GRAMD1B: variants seen among roughly 807,000 people sequenced by gnomAD.
GRAMD1B encodes GRAM domain containing 1B, also known as protein Aster-B.
In GRAMD1B, 37 loss-of-function variants were observed where a neutral mutation model predicts 99.7. That is an observed-to-expected ratio of 0.37 (90% CI 0.29 to 0.49). The LOEUF (loss-of-function observed/expected upper bound fraction) is 0.49, where lower values mean the gene tolerates loss of function less well. GRAMD1B is among the 20% of genes least tolerant of loss of function. The probability of loss-of-function intolerance (pLI) is 0.98; values close to 1 mark genes in which losing one functional copy is unlikely to be tolerated. For missense variants in GRAMD1B, 888 were observed against 1,009.2 expected (o/e 0.88, Z 1.63); for synonymous variants, 427 against 387.6 (o/e 1.10, Z -1.19).
intron 1 of GRAMD1B, among the ~76,000 whole-genome samples, chr11:123,446,006 A>C (rs993952527): frequency 5.9e-5 from 9 of 152,054 alleles, no homozygotes; most frequent in Non-Finnish European, 1.3e-4. Context: ...TTTTGTGAAG[A>C]TGGAAGAATA....
intron 2 of GRAMD1B, among the ~76,000 whole-genome samples, chr11:123,490,088 G>T (rs948355182): frequency 5.3e-5 from 8 of 152,220 alleles, no homozygotes; most frequent in Non-Finnish European, 1.2e-4. Context: ...AGAGCACTAT[G>T]TACTGGGATT....
intron 2 of GRAMD1B, among the ~76,000 whole-genome samples, chr11:123,541,380 G>A (rs962613094): frequency 5.3e-4 from 80 of 152,060 alleles, no homozygotes; most frequent in Non-Finnish European, 9.9e-4. Context: ...CTTCCTCCCC[G>A]TGTCCTTCCT....
intron 1 of GRAMD1B, among the ~76,000 whole-genome samples, chr11:123,480,024 A>C (rs1031535634): frequency 1.3e-5 from 2 of 152,164 alleles, no homozygotes; most frequent in Non-Finnish European, 2.9e-5. Flanking sequence ...ATAATTAATA[A>C]AAATGATTTG....
At chr11:123,552,101 G>A (rs556672838) in intron 2 of GRAMD1B, among the ~76,000 whole-genome samples, 166 of 152,082 alleles carry the variant, frequency 1.1e-3, no homozygotes, top group African/African-American at 3.5e-3. Flanking sequence ...GGCCCTGTGC[G>A]TTCTCCTCTG....
intron 1 of GRAMD1B, among the ~76,000 whole-genome samples, chr11:123,374,406 T>A (rs1946627216): frequency 6.6e-6 from 1 of 152,184 alleles, no homozygotes; most frequent in Non-Finnish European, 1.5e-5. Context: ...GCAACCACAG[T>A]CCAGAGTTTC....
At position 123,430,356 on chromosome 11, in the gene GRAMD1B, C is replaced by T; in HGVS notation, c.-437C>T. 1.1e-5 allele frequency: 2 copies of T among 174,486 alleles called. No individual in the cohort carries two copies. Among genetic ancestry groups the T allele is most frequent in the Non-Finnish European group, 2.4e-5 (2 of 84,094 alleles). The allele number at this position is 174,486 out of a possible 1,614,324, so 10.8% of individuals were successfully genotyped here. On this transcript the variant is annotated 5_prime_UTR_variant, in exon 1 of 20. Coordinates refer to ENST00000635736, the MANE Select transcript of GRAMD1B (RefSeq NM_001387025.1). ...CCTCCCTGCAGCGCCAAGCCGGCTC[C>T]CCAACCTGGTCTGCTGAACGCAAAC...
chr11:123,581,925 C>A (rs1949396809), intron 3 of GRAMD1B, among the ~76,000 whole-genome samples: 1 of 152,236 alleles, frequency 6.6e-6, no homozygotes, highest in Non-Finnish European at 1.5e-5. Flanking sequence ...GAGCCCCGTG[C>A]AGGAGGAGTC....
intron 2 of GRAMD1B, among the ~76,000 whole-genome samples, chr11:123,533,672 C>G (rs1347757451): frequency 6.6e-6 from 1 of 152,190 alleles, no homozygotes; most frequent in Non-Finnish European, 1.5e-5. Context: ...AATAATCCAC[C>G]CGCCTGAGCC....
At chr11:123,380,164 G>A (rs990516535) in intron 1 of GRAMD1B, among the ~76,000 whole-genome samples, 5 of 152,078 alleles carry the variant, frequency 3.3e-5, no homozygotes, top group African/African-American at 7.2e-5. Flanking sequence ...TTTGAAACAC[G>A]AAACCTTCTA....
chr11:123,389,385 A>T (rs2135842451), intron 1 of GRAMD1B, among the ~76,000 whole-genome samples: 1 of 147,864 alleles, frequency 6.8e-6, no homozygotes, highest in South Asian at 2.1e-4. Flanking sequence ...GTCCATGTCA[A>T]AAAAAAAAAA....
intron 1 of GRAMD1B, among the ~76,000 whole-genome samples, chr11:123,408,214 C>A (rs1431607086): frequency 6.6e-6 from 1 of 152,204 alleles, no homozygotes; most frequent in Non-Finnish European, 1.5e-5. Context: ...GCTTTCTCAG[C>A]CACTCTCAGA....
intron 2 of GRAMD1B, among the ~76,000 whole-genome samples, chr11:123,517,786 C>T (rs754163811): frequency 2.0e-5 from 3 of 152,178 alleles, no homozygotes; most frequent in Admixed American, 6.5e-5. Flanking sequence ...AATGAGTTAA[C>T]GCTCAATTCA....
chr11:123,590,926 G>A (rs1173165460), intron 4 of GRAMD1B, among the ~76,000 whole-genome samples: 2 of 152,132 alleles, frequency 1.3e-5, no homozygotes, highest in Admixed American at 6.5e-5. Flanking sequence ...CCCTGGACCC[G>A]GCTGTGGATC....
Position 123,507,470 on chromosome 11 carries a change from T to C in GRAMD1B, c.452+26577T>C, listed in dbSNP as rs537721593. On this transcript the variant is annotated intron_variant, in intron 2 of 19. Coordinates refer to ENST00000635736, the MANE Select transcript of GRAMD1B (RefSeq NM_001387025.1). Reference sequence around the variant, plus strand: ...CCTTTTTTATTAGTGTGGGATGGAATAGGAATGGGAGAAGTGTTGAATTGT... The same window carrying C: ...CCTTTTTTATTAGTGTGGGATGGAACAGGAATGGGAGAAGTGTTGAATTGT... Among the ~76,000 whole-genome samples the C allele has an allele frequency of 1.0e-3, 154 of 152,308 alleles. 1 individual carries two copies. Among genetic ancestry groups the C allele is most frequent in the Non-Finnish European group, 1.8e-3 (122 of 68,020 alleles).
intron 2 of GRAMD1B, chr11:123,560,561 T>G: frequency 1.6e-5 from 13 of 794,276 alleles, no homozygotes; most frequent in Non-Finnish European, 2.4e-5. Flanking sequence ...GGGCCCCCGC[T>G]CCCCGCCCCC....
At chr11:123,567,193 AAG>A (rs1281646995) in intron 2 of GRAMD1B, among the ~76,000 whole-genome samples, 1 of 152,340 alleles carries the variant, frequency 6.6e-6, no homozygotes, top group Admixed American at 6.5e-5. Context: ...TTGTTCAAGA[AAG>A]AGAAAGGTCC....
In GRAMD1B at chr11:123,605,400, T is replaced by A. The variant is rs114589175; in HGVS notation, c.1245T>A (p.Asp415Glu). Residue 415 changes from aspartate to glutamate, a missense_variant, in exon 10 of 20, where the codon GAT (aspartate) becomes GAA (glutamate). Asp to Glu is a conservative substitution (Grantham distance 45). Around this residue, in one of 5 missense-constraint regions of GRAMD1B, gnomAD observed 269 missense variants for 296.6 expected, o/e 0.91. Coordinates refer to ENST00000635736, the MANE Select transcript of GRAMD1B (RefSeq NM_001387025.1). ...SSKSSIETKP[D>E]ASPQLPKKSI... ...AGAGCAGCATAGAGACCAAGCCAGA[T>A]GCCAGTCCACAGCTGCCCAAGAAAT... 1,177 of 1,613,430 alleles carry A rather than the reference T, an allele frequency of 7.3e-4. 10 individuals are homozygous for A. The African/African-American group carries it at 0.013, about 18-fold the overall frequency.
intron 1 of GRAMD1B, among the ~76,000 whole-genome samples, chr11:123,414,254 A>G (rs1321429224): frequency 3.3e-5 from 5 of 152,192 alleles, no homozygotes; most frequent in Non-Finnish European, 7.3e-5. Context: ...CATGTTAGCC[A>G]GGCTGGTGTT....
Position 123,608,653 on chromosome 11 carries a change from G to A in GRAMD1B, c.1514-6G>A, listed in dbSNP as rs767145435. ...TGTCTACTTCCTGATCCTCTCTTCT[G>A]TGCAGGAGAGGTCCAGGCCTTCTAT... On this transcript the variant is annotated splice_region_variant and splice_polypyrimidine_tract_variant and intron_variant, in intron 11 of 19. Transcript: ENST00000635736. 1.3e-6 allele frequency: 2 copies of A among 1,577,656 alleles called. No homozygotes were observed. Among genetic ancestry groups the A allele is most frequent in the South Asian group, 2.3e-5 (2 of 85,704 alleles).
Sources: gnomAD v4.1 joint callset for allele counts (sites outside exome capture counted in the v4.1 genomes callset) on GRCh38, gnomAD v4.1.1 for gene constraint, gnomAD v4.1.1 regional missense constraint, MANE v1.5 for transcripts, NCBI Gene and HGNC (gene_info 2026-07-23, HGNC 2026-07-21) for gene names.